Variants in PDE11A observed in about 807,000 individuals in gnomAD.
PDE11A encodes phosphodiesterase 11A, also known as dual 3',5'-cyclic-AMP and -GMP phosphodiesterase 11A.
A neutral mutation model predicts 100.5 loss-of-function variants in PDE11A; 100 were observed. That is an observed-to-expected ratio of 1.00 (90% CI 0.85 to 1.18). The LOEUF (loss-of-function observed/expected upper bound fraction) is 1.18. PDE11A is among the 50% of genes most tolerant of loss of function. PDE11A has a pLI of 0.00. For missense variants in PDE11A, 1,141 were observed against 1,152.6 expected, an observed-to-expected ratio of 0.99 and a Z score of 0.15; for synonymous variants, 381 against 420.8, an observed-to-expected ratio of 0.91 and a Z score of 1.16.
chr2:177,999,293 A>G (rs1297372813), intron 2 of PDE11A, among the ~76,000 whole-genome samples: 1 of 152,196 alleles, frequency 6.6e-6, no homozygotes, highest in East Asian at 1.9e-4. Flanking sequence ...AGGTTCATCC[A>G]AGGATCGTGG....
chr2:178,049,850 A>T lies in PDE11A; in HGVS notation c.912+21676T>A, dbSNP rs1049681355. Among the ~76,000 whole-genome samples, 23 of 152,186 alleles carry T rather than the reference A, an allele frequency of 1.5e-4. 1 individual carries two copies. The highest frequency in any genetic ancestry group is 1.3e-3 in the Admixed American group (20 of 15,278). The stretch of plus-strand genomic sequence containing the variant: ...GCTTGAGTAGGTAAACAAAGCGGCC[A>T]GGAAGCTCAAACTGGGTAGAGCCCA... On this transcript the variant is annotated intron_variant, in intron 1 of 19. Transcript: ENST00000286063.
At chr2:177,795,934 ACTAT>A (rs1410806935) in intron 9 of PDE11A, among the ~76,000 whole-genome samples, 26 of 35,366 alleles carry the variant, frequency 7.4e-4, no homozygotes, top group Admixed American at 2.2e-3. Flanking sequence ...TTTTGTTTAA[ACTAT>A]ATATATATAT....
At chr2:177,849,117 T>C (rs1369235375) in intron 5 of PDE11A, among the ~76,000 whole-genome samples, 1 of 152,190 alleles carries the variant, frequency 6.6e-6, no homozygotes, top group East Asian at 1.9e-4. Flanking sequence ...AATCTTGCAT[T>C]AAGCGAACAA....
chr2:177,634,015 T>C (rs1452569629), intron 19 of PDE11A, among the ~76,000 whole-genome samples: 1 of 152,202 alleles, frequency 6.6e-6, no homozygotes, highest in African/African-American at 2.4e-5. Context: ...TGGGAAATGA[T>C]CTTAAAAGCA....
chr2:177,774,580 T>C (rs1231195513), intron 9 of PDE11A, among the ~76,000 whole-genome samples: 1 of 152,194 alleles, frequency 6.6e-6, no homozygotes, highest in East Asian at 1.9e-4. Context: ...CTACCTTAAC[T>C]GTAAATGTGG....
At chr2:177,714,247 C>G (rs1457823221) in intron 12 of PDE11A, among the ~76,000 whole-genome samples, 1 of 152,142 alleles carries the variant, frequency 6.6e-6, no homozygotes, top group Non-Finnish European at 1.5e-5. Context: ...CCTGCCTCAG[C>G]CTCCCAAAGT....
At chr2:177,680,722 T>C in intron 16 of PDE11A, 104 bp downstream of exon 16, 1 of 651,154 alleles carries the variant, frequency 1.5e-6, no homozygotes, top group East Asian at 2.7e-5. Context: ...AGCTAAGATT[T>C]GTTACTTTAA....
chr2:177,833,354 G>A (rs1399375355), intron 6 of PDE11A, among the ~76,000 whole-genome samples: 1 of 152,210 alleles, frequency 6.6e-6, no homozygotes, highest in Non-Finnish European at 1.5e-5. Flanking sequence ...CTTGAGCACA[G>A]CAGATAGGAC....
chr2:177,695,178 T>G (rs1252662071), intron 15 of PDE11A, among the ~76,000 whole-genome samples: 1 of 151,982 alleles, frequency 6.6e-6, no homozygotes, highest in East Asian at 1.9e-4. Context: ...AAATAATTAT[T>G]TTAAAAATAT....
At chr2:177,700,192 T>C (rs767039683) in intron 14 of PDE11A, among the ~76,000 whole-genome samples, 2 of 152,166 alleles carry the variant, frequency 1.3e-5, no homozygotes, top group Non-Finnish European at 2.9e-5. Context: ...ATTCAGGTTC[T>C]GGAGTGCCAA....
chr2:177,918,031 G>C (rs904385214), intron 2 of PDE11A, among the ~76,000 whole-genome samples: 1 of 152,172 alleles, frequency 6.6e-6, no homozygotes, highest in Non-Finnish European at 1.5e-5. Context: ...AAACACAAAA[G>C]TGGTACCTAG....
intron 5 of PDE11A, among the ~76,000 whole-genome samples, chr2:177,870,365 C>G (rs2084109530): frequency 6.6e-6 from 1 of 152,150 alleles, no homozygotes; most frequent in Non-Finnish European, 1.5e-5. Flanking sequence ...ACATATTAAC[C>G]AGCATTTAAG....
At chr2:177,727,923 A>G (rs2081623903) in intron 11 of PDE11A, 103 bp downstream of exon 11, 1 of 1,083,836 alleles carries the variant, frequency 9.2e-7, no homozygotes. Flanking sequence ...TGTGCAGGGC[A>G]GGGATTATCA....
chr2:177,927,675 G>A (rs537638238), intron 2 of PDE11A, among the ~76,000 whole-genome samples: 3 of 152,272 alleles, frequency 2.0e-5, no homozygotes, highest in African/African-American at 7.2e-5. Context: ...CCCAATCTTT[G>A]CATTAGTTTG....
chr2:177,692,985 T>G (rs576489994), intron 15 of PDE11A, among the ~76,000 whole-genome samples: 1 of 152,282 alleles, frequency 6.6e-6, no homozygotes, highest in South Asian at 2.1e-4. Flanking sequence ...CCTGGCCCTT[T>G]CCTAGAGTGA....
chr2:177,821,317 G>T (rs1385438891), intron 6 of PDE11A, among the ~76,000 whole-genome samples: 3 of 150,734 alleles, frequency 2.0e-5, no homozygotes, highest in Admixed American at 1.3e-4. Context: ...ATGTAGAAAG[G>T]CCCCAAAATT....
intron 2 of PDE11A, chr2:177,998,752 G>T: frequency 1.2e-6 from 1 of 832,314 alleles, no homozygotes; most frequent in South Asian, 1.5e-5. Flanking sequence ...TTGCCGTAAA[G>T]CTCCTCTACC....
intron 2 of PDE11A, among the ~76,000 whole-genome samples, chr2:177,983,922 T>C (rs1252204318): frequency 6.6e-6 from 1 of 152,180 alleles, no homozygotes; most frequent in Non-Finnish European, 1.5e-5. Context: ...CTGAAGGTGA[T>C]TGGAAGCTCT....
chr2:178,079,258 A>G (rs1015039149), intron 2 of PDE11A, among the ~76,000 whole-genome samples: 7 of 152,180 alleles, frequency 4.6e-5, no homozygotes, highest in Non-Finnish European at 1.0e-4. Flanking sequence ...TAAGCCCAGC[A>G]TGCATTAGCT....
Sources: gnomAD v4.1 joint callset for allele counts (sites outside exome capture counted in the v4.1 genomes callset) on GRCh38, gnomAD v4.1.1 for gene constraint, MANE v1.5 for transcripts, NCBI Gene and HGNC (gene_info 2026-07-23, HGNC 2026-07-21) for gene names.